Variants in SARDH observed in about 807,000 individuals in gnomAD.
SARDH encodes the protein sarcosine dehydrogenase, also known as sarcosine dehydrogenase, mitochondrial.
A neutral mutation model predicts 109.1 loss-of-function variants in SARDH; 95 were observed. The observed-to-expected ratio is 0.87, with a 90% CI of 0.74 to 1.03. SARDH has a LOEUF of 1.03. Ranked by LOEUF, SARDH falls within the 50% of genes least tolerant of loss-of-function variation. The pLI is 0.00. For synonymous variants in SARDH, 572 were observed against 534.8 expected, an observed-to-expected ratio of 1.07 and a Z score of -0.96; for missense variants, 1,267 against 1,287.8, an observed-to-expected ratio of 0.98 and a Z score of 0.25.
intron 14 of SARDH, among the ~76,000 whole-genome samples, chr9:133,695,760 G>T (rs1831263629): frequency 6.6e-6 from 1 of 152,036 alleles, no homozygotes; most frequent in Non-Finnish European, 1.5e-5. Context: ...TGACGAAAAG[G>T]CAGATGAAGA....
At chr9:133,694,009 C>T (rs562876961) in intron 15 of SARDH, among the ~76,000 whole-genome samples, 5 of 152,342 alleles carry the variant, frequency 3.3e-5, no homozygotes, top group Admixed American at 6.5e-5. Context: ...CACTCCGAAC[C>T]GCAACAGCGT....
At position 133,686,437 on chromosome 9, in the gene SARDH, C is replaced by T. The variant is rs535345841; in HGVS notation, c.2070-1151G>A. On this transcript the variant is annotated intron_variant, in intron 16 of 20. Transcript: ENST00000439388. This position sits in a 1 kb window ranked among gnomAD's most constrained non-coding sequence, Gnocchi z 4.0. ...TGTCACCTCCCCCAGGAAGCCCTCC[C>T]TGACTCCCTAGGTCTTGGGCAGGTA... Among the ~76,000 whole-genome samples the T allele has an allele frequency of 6.6e-6, 1 of 152,246 alleles. No individual in the cohort carries two copies. Among genetic ancestry groups the T allele is most frequent in the African/African-American group, 2.4e-5 (1 of 41,552 alleles).
Position 133,690,371 on chromosome 9 carries a change from C to G in SARDH, c.2069+9G>C, listed in dbSNP as rs1433641370. On this transcript the variant is annotated intron_variant, in intron 16 of 20. Coordinates refer to ENST00000439388, the MANE Select transcript of SARDH (RefSeq NM_001134707.2). ...TGCACCCAGGGGCGGGCTCCCAGTC[C>G]TCTCTCACCTGGCTGGGCCCTGGAT... The G allele has an allele frequency of 1.9e-6, 3 of 1,603,694 alleles. No homozygotes were observed. The highest frequency in any genetic ancestry group is 2.2e-5 in the South Asian group (2 of 90,940).
rs1276048906 is a variant in SARDH at position 133,686,477 on chromosome 9, T to C, written c.2070-1191A>G. On this transcript the variant is annotated intron_variant, in intron 16 of 20. Transcript: ENST00000439388. The surrounding 1 kb of genome is among the most constrained non-coding windows in gnomAD (Gnocchi z 4.0). ...TTGGGCAGGTACTCGTTGTCCAAGA[T>C]CCCACAGTCTCCTGCCAGGGTGTCT... Among the ~76,000 whole-genome samples the C allele has an allele frequency of 6.6e-6, 1 of 152,052 alleles. No individual in the cohort carries two copies. The highest frequency in any genetic ancestry group is 2.4e-5 in the African/African-American group (1 of 41,408).
chr9:133,726,278 G>A (rs996854466), intron 6 of SARDH, among the ~76,000 whole-genome samples: 1 of 150,778 alleles, frequency 6.6e-6, no homozygotes, highest in African/African-American at 2.4e-5. Flanking sequence ...GGAGGTGGGA[G>A]GATCGCTTGA....
intron 1 of SARDH, among the ~76,000 whole-genome samples, chr9:133,736,921 G>C (rs1270876964): frequency 6.6e-6 from 1 of 152,224 alleles, no homozygotes; most frequent in African/African-American, 2.4e-5. Flanking sequence ...TTTTTCAAGA[G>C]TGGACCATAG....
intron 14 of SARDH, 107 bp downstream of exon 14, chr9:133,696,116 G>A (rs1439752310): frequency 2.9e-6 from 4 of 1,377,036 alleles, no homozygotes; most frequent in African/African-American, 1.4e-5. Flanking sequence ...AAGGAGCAGT[G>A]TGCTCAGGGT....
Position 133,712,628 on chromosome 9 carries a change from T to C in SARDH, c.1319A>G (p.Tyr440Cys). Residue 440 changes from tyrosine (Y) to cysteine (C), a missense_variant, in exon 10 of 21, where the codon TAT (tyrosine) becomes TGT (cysteine). Physicochemically the swap from Tyr to Cys is radical, Grantham distance 194. Transcript: ENST00000439388. The surrounding 1 kb of genome is among the most constrained non-coding windows in gnomAD (Gnocchi z 4.1). ...CCCAATGGGCACTTACCTGATGTCA[T>C]AGCCATGCATGTCCTTCTCCGGGCG... ...HGRPEKDMHG[Y>C]DIRRFHHSLT... is the part of the protein sequence containing the mutation. 1 of 1,609,096 alleles carries C rather than the reference T, an allele frequency of 6.2e-7. No homozygotes were observed. Among genetic ancestry groups the C allele is most frequent in the Non-Finnish European group, 8.5e-7 (1 of 1,179,868 alleles).
chr9:133,671,493 T>C (rs1369252897), intron 18 of SARDH, 42 bp downstream of exon 18: 1 of 1,514,568 alleles, frequency 6.6e-7, no homozygotes, highest in East Asian at 2.5e-5. Context: ...TGCCCCCCAC[T>C]GCGCCCGCCC....
At chr9:133,679,917 T>C (rs875152) in intron 17 of SARDH, among the ~76,000 whole-genome samples, 11,554 of 152,264 alleles carry the variant, frequency 0.076, 1,421 homozygotes, top group African/African-American at 0.26. Flanking sequence ...TCACAACTGC[T>C]TTCAACCCAG....
chr9:133,711,821 A>T (rs964937141), intron 10 of SARDH, among the ~76,000 whole-genome samples: 1 of 152,126 alleles, frequency 6.6e-6, no homozygotes, highest in African/African-American at 2.4e-5. Flanking sequence ...TCCTGCCTCG[A>T]CAGCCACCCC....
Position 133,733,835 on chromosome 9 carries a change from G to A in SARDH, c.331+8C>T. The A allele has an allele frequency of 3.4e-6, 5 of 1,452,532 alleles. No homozygotes were observed. 90.0% of individuals were successfully genotyped at this position (1,452,532 alleles called of 1,614,324 possible). On this transcript the variant is annotated splice_region_variant and intron_variant, in intron 2 of 20. Coordinates refer to ENST00000439388, the MANE Select transcript of SARDH (RefSeq NM_001134707.2). Reference sequence around the variant, plus strand: ...CTTCCCTGCCCCTACCTGGCCCCCGGTCCCTACCTGCCGTGTGCCAGGTGG... The same window carrying A: ...CTTCCCTGCCCCTACCTGGCCCCCGATCCCTACCTGCCGTGTGCCAGGTGG...
In SARDH at chr9:133,685,285, G is replaced by A. The variant is rs758427155; in HGVS notation, c.2071C>T (p.Arg691Ter). ...TCCAGCACCTCCTGCAAAATGGCTCGGCTGCAGGCAAGAGCAAAGTCGCTC... is the reference window on the plus strand; with the variant it reads ...TCCAGCACCTCCTGCAAAATGGCTCAGCTGCAGGCAAGAGCAAAGTCGCTC... ...GMISIQGPAS[R>*]AILQEVLDAD... The change falls in exon 17 of 21, where the codon CGA (arginine) becomes TGA (stop). Residue 691 changes from arginine (R) to a stop codon, truncating the protein, a stop_gained and splice_region_variant. Coordinates refer to ENST00000439388, the MANE Select transcript of SARDH (RefSeq NM_001134707.2). LOFTEE classifies it high-confidence loss of function. 20 of 1,613,136 alleles carry A rather than the reference G, an allele frequency of 1.2e-5. No individual in the cohort carries two copies. The highest frequency in any genetic ancestry group is 1.5e-5 in the Non-Finnish European group (18 of 1,179,798).
intron 13 of SARDH, among the ~76,000 whole-genome samples, chr9:133,698,020 AAG>A (rs1338116880): frequency 6.6e-6 from 1 of 150,436 alleles, no homozygotes; most frequent in Admixed American, 6.6e-5. Flanking sequence ...AAAAAAAAAA[AAG>A]AAAAAAAAGA....
intron 17 of SARDH, among the ~76,000 whole-genome samples, chr9:133,683,293 G>A (rs1254903482): frequency 6.6e-6 from 1 of 152,184 alleles, no homozygotes; most frequent in Non-Finnish European, 1.5e-5. Flanking sequence ...TGCGGGTGGG[G>A]GCAAGGCTGC....
intron 8 of SARDH, among the ~76,000 whole-genome samples, chr9:133,716,034 C>G (rs1048734692): frequency 6.6e-6 from 1 of 152,222 alleles, no homozygotes; most frequent in Admixed American, 6.5e-5. Context: ...GCTGGAACCC[C>G]AATGTGGGGG....
At chr9:133,702,865 C>G in intron 13 of SARDH, 51 bp downstream of exon 13, 3 of 1,562,714 alleles carry the variant, frequency 1.9e-6, no homozygotes, top group Non-Finnish European at 2.6e-6. Context: ...AATGGCTTAT[C>G]TGAGGGACAG....
intron 16 of SARDH, among the ~76,000 whole-genome samples, chr9:133,685,964 T>C (rs568369718): frequency 1.4e-4 from 21 of 152,228 alleles, no homozygotes; most frequent in South Asian, 2.1e-4. Flanking sequence ...GGCTGCAGAC[T>C]TGGAGGAGGT....
chr9:133,739,161 C>G (rs1832980353), upstream of SARDH, among the ~76,000 whole-genome samples: 1 of 152,150 alleles, frequency 6.6e-6, no homozygotes, highest in African/African-American at 2.4e-5. Flanking sequence ...CCTCTGGATG[C>G]CCAAAGAATC....
Sources: gnomAD v4.1 joint callset for allele counts (sites outside exome capture counted in the v4.1 genomes callset) on GRCh38, gnomAD v4.1.1 for gene constraint, Gnocchi (gnomAD v3.1) non-coding constraint, MANE v1.5 for transcripts, NCBI Gene and HGNC (gene_info 2026-07-23, HGNC 2026-07-21) for gene names.